Variants in SBF2 observed in about 807,000 individuals in gnomAD.
SBF2 encodes SET binding factor 2.
SBF2 carries 112 observed loss-of-function variants against 225.2 expected under a neutral mutation model. The ratio of observed to expected loss-of-function variants is 0.50; its 90% confidence interval spans 0.43 to 0.58. The LOEUF is 0.58. Among genes scored for constraint, SBF2 ranks in the 20% least tolerant of loss-of-function variants. The pLI is 0.00. For missense variants in SBF2, 1,996 were observed against 2,206.2 expected, an observed-to-expected ratio of 0.90 and a Z score of 1.91; for synonymous variants, 763 against 773.3, an observed-to-expected ratio of 0.99 and a Z score of 0.22.
intron 28 of SBF2, among the ~76,000 whole-genome samples, chr11:9,821,839 G>A (rs1025563520): frequency 6.6e-6 from 1 of 151,914 alleles, no homozygotes; most frequent in African/African-American, 2.4e-5. Flanking sequence ...AAAATGAATG[G>A]GTATATATAC....
At chr11:9,887,349 G>A (rs935655191) in intron 17 of SBF2, among the ~76,000 whole-genome samples, 3 of 151,930 alleles carry the variant, frequency 2.0e-5, no homozygotes, top group Non-Finnish European at 4.4e-5. Flanking sequence ...AGTTTAAATA[G>A]TATATATAAA....
intron 16 of SBF2, among the ~76,000 whole-genome samples, chr11:9,903,104 G>A (rs1310470916): frequency 2.6e-5 from 4 of 152,138 alleles, no homozygotes; most frequent in South Asian, 2.1e-4. Flanking sequence ...GGCGGATCAC[G>A]AGGTCAGGAG....
At chr11:10,170,988 T>C (rs1324853267) in intron 2 of SBF2, among the ~76,000 whole-genome samples, 1 of 152,182 alleles carries the variant, frequency 6.6e-6, no homozygotes, top group Non-Finnish European at 1.5e-5. Context: ...TATGCTAACT[T>C]TGTATCCTGC....
chr11:9,917,297 C>T, intron 16 of SBF2, among the ~76,000 whole-genome samples: 1 of 151,638 alleles, frequency 6.6e-6, no homozygotes, highest in East Asian at 1.9e-4. Context: ...GCCTCTGTGA[C>T]CTTCTTTTGT....
At chr11:9,927,984 T>C (rs529216630) in intron 16 of SBF2, among the ~76,000 whole-genome samples, 2 of 140,832 alleles carry the variant, frequency 1.4e-5, no homozygotes, top group East Asian at 2.0e-4. Context: ...GAGATCTAAA[T>C]ATGAAACCTA....
intron 13 of SBF2, among the ~76,000 whole-genome samples, chr11:9,979,619 C>A (rs1335864634): frequency 3.3e-5 from 5 of 152,070 alleles, no homozygotes; most frequent in African/African-American, 1.2e-4. Context: ...ATTAAAGTAA[C>A]AGATCTTGGC....
At chr11:9,927,758 G>T (rs1479747316) in intron 16 of SBF2, among the ~76,000 whole-genome samples, 2 of 151,988 alleles carry the variant, frequency 1.3e-5, no homozygotes, top group African/African-American at 2.4e-5. Context: ...AGTATCCTAG[G>T]AATCAAAGGA....
intron 2 of SBF2, among the ~76,000 whole-genome samples, chr11:10,139,731 T>C (rs899046960): frequency 1.5e-4 from 23 of 152,226 alleles, no homozygotes; most frequent in African/African-American, 5.3e-4. Flanking sequence ...CTTCCTGCCT[T>C]CATTCCAAAA....
At chr11:9,956,138 T>C (rs958805014) in intron 16 of SBF2, among the ~76,000 whole-genome samples, 2 of 152,198 alleles carry the variant, frequency 1.3e-5, no homozygotes, top group African/African-American at 4.8e-5. Flanking sequence ...TATTCTAGTG[T>C]AAGAAGATAT....
At chr11:10,063,852 C>CAGAG (rs1156450605) in intron 2 of SBF2, among the ~76,000 whole-genome samples, 242 of 132,618 alleles carry the variant, frequency 1.8e-3, no homozygotes, top group African/African-American at 6.5e-3. Context: ...CACACACACA[C>CAGAG]ACACACAGAG....
intron 6 of SBF2, 136 bp downstream of exon 6, chr11:10,028,316 T>C (rs537950638): frequency 1.5e-6 from 1 of 650,552 alleles, no homozygotes; most frequent in Non-Finnish European, 2.7e-6. Context: ...CACAAAATTA[T>C]ATATCTCCTA....
chr11:10,168,584 T>G (rs1200973536), intron 2 of SBF2, among the ~76,000 whole-genome samples: 1 of 152,206 alleles, frequency 6.6e-6, no homozygotes, highest in Non-Finnish European at 1.5e-5. Flanking sequence ...TTAATCCAGG[T>G]AAATATTTAT....
At chr11:10,273,638 C>T (rs1233645355) in intron 1 of SBF2, among the ~76,000 whole-genome samples, 1 of 152,234 alleles carries the variant, frequency 6.6e-6, no homozygotes, top group African/African-American at 2.4e-5. Context: ...TCCCTTCCCA[C>T]ACTGCTGTAT....
At chr11:10,159,478 C>T (rs113414124) in intron 2 of SBF2, among the ~76,000 whole-genome samples, 7 of 152,148 alleles carry the variant, frequency 4.6e-5, no homozygotes, top group Non-Finnish European at 1.0e-4. Context: ...AATAAACTGG[C>T]TCATCTGATC....
At chr11:10,097,269 T>C (rs1952062190) in intron 2 of SBF2, among the ~76,000 whole-genome samples, 1 of 152,186 alleles carries the variant, frequency 6.6e-6, no homozygotes. Context: ...GACAACAAAC[T>C]TTCTGCAACC....
chr11:9,975,469 A>AGGT (rs1403595844), intron 13 of SBF2, among the ~76,000 whole-genome samples: 7 of 152,178 alleles, frequency 4.6e-5, no homozygotes, highest in African/African-American at 1.7e-4. Flanking sequence ...CAAGTGTTTG[A>AGGT]GGTGGTGGGA....
chr11:10,147,627 T>C (rs1954952824), intron 2 of SBF2, among the ~76,000 whole-genome samples: 1 of 152,062 alleles, frequency 6.6e-6, no homozygotes, highest in Non-Finnish European at 1.5e-5. Flanking sequence ...CTAGGTTTAG[T>C]ACCTGGGCAA....
At chr11:10,299,722 G>T (rs1383824516) in intron 1 of SBF2, among the ~76,000 whole-genome samples, 1 of 148,324 alleles carries the variant, frequency 6.7e-6, no homozygotes, top group Non-Finnish European at 1.5e-5. Context: ...GTGGGGAGGG[G>T]GTATAATAAA....
intron 2 of SBF2, among the ~76,000 whole-genome samples, chr11:10,143,426 C>G (rs1954744072): frequency 6.6e-6 from 1 of 152,090 alleles, no homozygotes; most frequent in African/African-American, 2.4e-5. Context: ...CCCACATGGG[C>G]CTCCCATGAA....
Sources: gnomAD v4.1 joint callset for allele counts (sites outside exome capture counted in the v4.1 genomes callset) on GRCh38, gnomAD v4.1.1 for gene constraint, MANE v1.5 for transcripts, NCBI Gene and HGNC (gene_info 2026-07-23, HGNC 2026-07-21) for gene names.